The following COL9A3 variants were observed in gnomAD, a reference collection of about 807,000 sequenced individuals.
The protein encoded by COL9A3 is collagen alpha-3(IX) chain.
Under a neutral mutation model 110.2 loss-of-function variants are expected in COL9A3, and 82 were observed. The ratio of observed to expected loss-of-function variants is 0.74; its 90% confidence interval spans 0.62 to 0.89. The LOEUF (loss-of-function observed/expected upper bound fraction) is 0.89, where lower values mean the gene tolerates loss of function less well. COL9A3 is among the 40% of genes least tolerant of loss of function. The pLI, the probability that COL9A3 is intolerant of heterozygous loss-of-function variation, is 0.00. For synonymous variants in COL9A3, 494 were observed against 403.8 expected, an observed-to-expected ratio of 1.22 and a Z score of -2.68; for missense variants, 1,066 against 981.3, an observed-to-expected ratio of 1.09 and a Z score of -1.15.
rs762364826 is a variant in COL9A3, at chr20:62,826,800, C to A, written c.772C>A (p.Pro258Thr). The change falls in exon 15 of 32, where the codon CCA becomes ACA. Residue 258 changes from proline (P) to threonine (T), a missense_variant. By Grantham distance (38) the Pro-to-Thr change is conservative. Coordinates refer to ENST00000649368, the MANE Select transcript of COL9A3 (RefSeq NM_001853.4). The part of the protein sequence containing the change: ...PIGFRGPPGI[P>T]GAPGKAGDRG... ...TGGGTTCCGAGGGCCGCCTGGGATC[C>A]CAGGAGCGCCTGGGAAAGCGGTACG... is the stretch of plus-strand genomic sequence containing the variant. The A allele has an allele frequency of 8.7e-6, 14 of 1,612,824 alleles. No homozygotes were observed. The highest frequency in any genetic ancestry group is 1.2e-5 in the Non-Finnish European group (14 of 1,179,952).
At chr20:62,818,414 G>A in intron 2 of COL9A3, 104 bp from the exon 3 acceptor site, 1 of 1,117,430 alleles carries the variant, frequency 8.9e-7, no homozygotes, top group Non-Finnish European at 1.4e-6. Flanking sequence ...CTGGGGCTGG[G>A]CCTCTGGGGC....
chr20:62,840,555 GC>G lies in COL9A3; in HGVS notation c.1881del (p.Gly628AlafsTer45). On this transcript the variant is annotated frameshift_variant, in exon 32 of 32. Coordinates refer to ENST00000649368, the MANE Select transcript of COL9A3 (RefSeq NM_001853.4). LOFTEE classifies it low-confidence loss of function (END_TRUNC). ...CTCTGTCCCAAGGACCCCAAGGCGT[GC>G]CCGGCACCAGCAAGGACGGCCAGGA... Reference protein sequence around the residue: ...DQGPQGPQGVPGTSKDGQDGA... With the variant: ...DQGPQGPQGVXGTSKDGQDGA... 5 of 1,612,048 alleles carry G rather than the reference GC, an allele frequency of 3.1e-6. No homozygotes were observed. Among genetic ancestry groups the G allele is most frequent in the Non-Finnish European group, 4.2e-6 (5 of 1,179,816 alleles).
rs373996629 is a variant in COL9A3 at position 62,836,340 on chromosome 20, C to T, written c.1548+7C>T. 5.6e-5 allele frequency: 91 copies of T among 1,613,660 alleles called. No individual in the cohort carries two copies. The highest frequency in any genetic ancestry group is 6.5e-5 in the Non-Finnish European group (77 of 1,180,026). On this transcript the variant is annotated splice_region_variant and intron_variant, in intron 28 of 31. Transcript: ENST00000649368. ...GGGGAAGCCGGGAGTTCCGGTACGT[C>T]GCTTTTCCGGCTTTTCCAGCTTTCA... is the stretch of plus-strand genomic sequence containing the variant.
chr20:62,836,142 G>C (rs746637315), intron 27 of COL9A3, 45 bp from the exon 28 acceptor site: 1 of 1,606,092 alleles, frequency 6.2e-7, no homozygotes, highest in South Asian at 1.1e-5. Context: ...GTGGCTCTGG[G>C]CTCCTGGGCT....
At chr20:62,816,506 T>A (rs1568744963), upstream of COL9A3, among the ~76,000 whole-genome samples, 1 of 151,974 alleles carries the variant, frequency 6.6e-6, no homozygotes, top group Admixed American at 6.5e-5. Flanking sequence ...GCGGTGGGGG[T>A]GCTCCCAGCC....
intron 16 of COL9A3, 114 bp from the exon 17 acceptor site, chr20:62,827,809 G>T: frequency 9.0e-7 from 1 of 1,112,526 alleles, no homozygotes; most frequent in Non-Finnish European, 1.4e-6. Flanking sequence ...GTCGGGGGTG[G>T]CCCCTGCCGC....
At chr20:62,816,508 C>A (rs528252570), upstream of COL9A3, among the ~76,000 whole-genome samples, 104 of 152,364 alleles carry the variant, frequency 6.8e-4, no homozygotes, top group African/African-American at 2.4e-3. Flanking sequence ...GGTGGGGGTG[C>A]TCCCAGCCCA....
chr20:62,816,808 A>G (rs907746515), upstream of COL9A3, among the ~76,000 whole-genome samples: 1 of 152,110 alleles, frequency 6.6e-6, no homozygotes, highest in Non-Finnish European at 1.5e-5. Context: ...CGTGTGTGCA[A>G]CGCGCCAGTC....
chr20:62,836,438 T>C, intron 28 of COL9A3, 40 bp from the exon 29 acceptor site: 1 of 1,613,694 alleles, frequency 6.2e-7, no homozygotes, highest in African/African-American at 1.3e-5. Context: ...TCACCGAGGC[T>C]GCCGCCCCCA....
chr20:62,836,903 G>T (rs1403441568), intron 29 of COL9A3, 180 bp from the exon 30 acceptor site: 8 of 866,914 alleles, frequency 9.2e-6, no homozygotes, highest in Non-Finnish European at 1.5e-5. Context: ...GGCTCCAAGG[G>T]GTTGGGGGTC....
intron 30 of COL9A3, among the ~76,000 whole-genome samples, chr20:62,838,434 T>G (rs1454142882): frequency 6.6e-6 from 1 of 152,210 alleles, no homozygotes; most frequent in East Asian, 1.9e-4. Flanking sequence ...ATGATAATCT[T>G]AAGGGACCAC....
chr20:62,829,828 A>G lies in COL9A3; in HGVS notation c.1161+9A>G. 1.3e-6 allele frequency: 2 copies of G among 1,562,494 alleles called. No homozygotes were observed. Among genetic ancestry groups the G allele is most frequent in the Non-Finnish European group, 1.7e-6 (2 of 1,155,184 alleles). Reference sequence around the variant, plus strand: ...GCCACCGGGGCTCAGCGGTGAGTGCAGGGACATGGCCCGGGGTCGGGGGTT... The same window carrying G: ...GCCACCGGGGCTCAGCGGTGAGTGCGGGGACATGGCCCGGGGTCGGGGGTT... On this transcript the variant is annotated intron_variant, in intron 22 of 31. Coordinates refer to ENST00000649368, the MANE Select transcript of COL9A3 (RefSeq NM_001853.4).
In COL9A3 at chr20:62,836,571, C is replaced by G. The variant is rs765299183; in HGVS notation, c.1603+39C>G. On this transcript the variant is annotated intron_variant, in intron 29 of 31. Coordinates refer to ENST00000649368, the MANE Select transcript of COL9A3 (RefSeq NM_001853.4). ...GTGCACCGGCTGCAGCGGGGCCCAT[C>G]CCCGCCTGGGGGTCCCGTGCCTGGG... The G allele has an allele frequency of 2.8e-6, 4 of 1,418,606 alleles. No homozygotes were observed. The South Asian group carries it at 4.7e-5, about 17-fold the overall frequency. 87.9% of individuals were successfully genotyped at this position (1,418,606 alleles called of 1,614,324 possible).
At chr20:62,825,719 C>T in intron 12 of COL9A3, 98 bp from the exon 13 acceptor site, 1 of 1,261,618 alleles carries the variant, frequency 7.9e-7, no homozygotes, top group Non-Finnish European at 1.1e-6. Flanking sequence ...GGGGGCAACA[C>T]CCCCAGCTGC....
At chr20:62,818,463 G>A in intron 2 of COL9A3, 55 bp from the exon 3 acceptor site, 1 of 1,549,320 alleles carries the variant, frequency 6.5e-7, no homozygotes, top group African/African-American at 1.4e-5. Context: ...CCCGAGGCGG[G>A]GTTCTTGAGG....
intron 4 of COL9A3, 76 bp from the exon 5 acceptor site, chr20:62,819,853 G>A (rs1600788533): frequency 2.6e-6 from 4 of 1,541,098 alleles, no homozygotes; most frequent in East Asian, 2.2e-5. Flanking sequence ...GGAAGGGTCC[G>A]TGCTTCCATT....
intron 31 of COL9A3, among the ~76,000 whole-genome samples, chr20:62,839,949 C>T (rs1318862764): frequency 5.3e-5 from 8 of 152,206 alleles, no homozygotes; most frequent in South Asian, 4.1e-4. Context: ...GGTGTCCAAA[C>T]GCACAGGGGT....
chr20:62,823,942 T>A (rs550115722), intron 10 of COL9A3, among the ~76,000 whole-genome samples: 259 of 151,840 alleles, frequency 1.7e-3, no homozygotes, highest in Non-Finnish European at 3.0e-3. Context: ...CCTGTCTGTG[T>A]CCTGTCCCAG....
Position 62,838,764 on chromosome 20 carries a change from A to G in COL9A3, c.1864+3A>G. 1.3e-6 allele frequency: 2 copies of G among 1,551,352 alleles called. No homozygotes were observed. Among genetic ancestry groups the G allele is most frequent in the Non-Finnish European group, 1.7e-6 (2 of 1,146,794 alleles). ...TGAAGGAGACCAGGGGCCCCAAGGT[A>G]CGAGTCCACGGCCAGCAAGGCTTCA... On this transcript the variant is annotated splice_donor_region_variant and intron_variant, in intron 31 of 31. Transcript: ENST00000649368.
Sources: allele counts gnomAD v4.1 joint callset (sites outside exome capture counted in the v4.1 genomes callset), GRCh38; gene constraint gnomAD v4.1.1; transcripts MANE v1.5; gene names NCBI Gene and HGNC (gene_info 2026-07-23, HGNC 2026-07-21).